NUP210: variants seen among roughly 807,000 people sequenced by gnomAD.
The protein encoded by NUP210 is nucleoporin 210, also known as nuclear pore membrane glycoprotein 210.
Under a neutral mutation model 196.0 loss-of-function variants are expected in NUP210, and 151 were observed. The ratio of observed to expected loss-of-function variants is 0.77; its 90% confidence interval spans 0.67 to 0.88. NUP210 has a LOEUF of 0.88. Ranked by LOEUF, NUP210 falls within the 40% of genes least tolerant of loss-of-function variation. NUP210 has a pLI of 0.00. For missense variants in NUP210, 2,314 were observed against 2,493.7 expected (o/e 0.93, Z 1.53); for synonymous variants, 1,070 against 1,052.7 (o/e 1.02, Z -0.32).
intron 25 of NUP210, among the ~76,000 whole-genome samples, chr3:13,338,967 G>C (rs1477812352): frequency 6.6e-6 from 1 of 152,094 alleles, no homozygotes; most frequent in Non-Finnish European, 1.5e-5. Flanking sequence ...AAATCAGCCA[G>C]CTCCTGAGGC....
At chr3:13,355,257 C>G (rs1193626693) in intron 16 of NUP210, among the ~76,000 whole-genome samples, 1 of 152,208 alleles carries the variant, frequency 6.6e-6, no homozygotes, top group Non-Finnish European at 1.5e-5. Flanking sequence ...GCAGGAAGAA[C>G]TACCCTTCTC....
chr3:13,376,286 C>T lies in NUP210; in HGVS notation c.1293+5G>A. On this transcript the variant is annotated splice_donor_5th_base_variant and intron_variant, in intron 10 of 39. Coordinates refer to ENST00000254508, the MANE Select transcript of NUP210 (RefSeq NM_024923.4). The stretch of plus-strand genomic sequence containing the variant: ...AGGCACGACGCAGGGGAGACACCAA[C>T]TTGCCTGGTCCACCACAGAGGTGAG... 1 of 1,613,256 alleles carries T rather than the reference C, an allele frequency of 6.2e-7. No individual in the cohort carries two copies. The highest frequency in any genetic ancestry group is 1.1e-5 in the South Asian group (1 of 91,032).
In NUP210 at chr3:13,379,272, C is replaced by G. The variant is rs1158080592; in HGVS notation, c.976+291G>C. 6.6e-6 allele frequency among the ~76,000 whole-genome samples: 1 copy of G among 152,132 alleles called. No homozygotes were observed. The highest frequency in any genetic ancestry group is 1.9e-4 in the East Asian group (1 of 5,186). On this transcript the variant is annotated intron_variant, in intron 7 of 39. Coordinates refer to ENST00000254508, the MANE Select transcript of NUP210 (RefSeq NM_024923.4). This position sits in a 1 kb window ranked among gnomAD's most constrained non-coding sequence, Gnocchi z 4.2. ...CTCCATTATGCTAGTATGGAAACAGCCCCCGCCAGGCCCCCTCTGAGAAGG... is the reference window on the plus strand; with the variant it reads ...CTCCATTATGCTAGTATGGAAACAGGCCCCGCCAGGCCCCCTCTGAGAAGG...
At chr3:13,400,343 G>A (rs543376656) in intron 1 of NUP210, among the ~76,000 whole-genome samples, 1 of 152,222 alleles carries the variant, frequency 6.6e-6, no homozygotes, top group Admixed American at 6.5e-5. Flanking sequence ...CTAACCCTGG[G>A]GATCACTACC....
intron 1 of NUP210, among the ~76,000 whole-genome samples, chr3:13,409,699 C>T (rs1700102586): frequency 6.6e-6 from 1 of 152,084 alleles, no homozygotes; most frequent in Admixed American, 6.5e-5. Context: ...CTCTCCTGCT[C>T]CCTTGTGCTA....
At chr3:13,411,554 CT>C (rs1220020071) in intron 1 of NUP210, among the ~76,000 whole-genome samples, 3 of 152,042 alleles carry the variant, frequency 2.0e-5, no homozygotes, top group Non-Finnish European at 4.4e-5. Flanking sequence ...TCCATCCCCC[CT>C]GTCACCACCC....
At chr3:13,338,243 G>T (rs1040861091) in intron 25 of NUP210, among the ~76,000 whole-genome samples, 3 of 152,216 alleles carry the variant, frequency 2.0e-5, no homozygotes, top group African/African-American at 7.2e-5. Context: ...AGGCCTGGCT[G>T]CCCTCAAGCA....
chr3:13,331,029 G>A (rs77896871), intron 29 of NUP210, among the ~76,000 whole-genome samples: 2,581 of 152,240 alleles, frequency 0.017, 34 homozygotes, highest in Non-Finnish European at 0.025. Context: ...GCATAGTGGA[G>A]GATGGGGCTT....
intron 16 of NUP210, chr3:13,354,411 C>T (rs553496951): frequency 6.9e-5 from 27 of 392,638 alleles, no homozygotes; most frequent in African/African-American, 2.9e-4. Context: ...TTGCCACTGG[C>T]ATCTACTCGG....
In NUP210 at chr3:13,317,485, T is replaced by G. The variant is rs1476027866; in HGVS notation, c.*196A>C. On this transcript the variant is annotated 3_prime_UTR_variant, in exon 40 of 40. Coordinates refer to ENST00000254508, the MANE Select transcript of NUP210 (RefSeq NM_024923.4). ...ACTTGAAAGGAAAAAAACACACATT[T>G]AAAACTCCTACATAAAATGAGCTAA... 1 of 581,604 alleles carries G rather than the reference T, an allele frequency of 1.7e-6. No individual in the cohort carries two copies. Among genetic ancestry groups the G allele is most frequent in the African/African-American group, 1.9e-5 (1 of 53,170 alleles). The allele number at this position is 581,604 out of a possible 1,614,324, so 36.0% of individuals were successfully genotyped here. A position where few individuals can be genotyped will look rare whatever the true frequency, so the allele number is the denominator to read the frequency against.
intron 5 of NUP210, among the ~76,000 whole-genome samples, chr3:13,387,080 C>T (rs915959861): frequency 1.2e-4 from 18 of 152,228 alleles, no homozygotes; most frequent in African/African-American, 3.1e-4. Context: ...TCCACAGAAA[C>T]ACAAAAACAT....
intron 15 of NUP210, among the ~76,000 whole-genome samples, chr3:13,358,793 G>T (rs139047573): frequency 2.6e-5 from 4 of 152,366 alleles, no homozygotes; most frequent in Non-Finnish European, 5.9e-5. Flanking sequence ...GACGTGGGAA[G>T]TGCATGCTGC....
chr3:13,353,834 A>G, intron 17 of NUP210, 81 bp downstream of exon 17: 1 of 1,397,660 alleles, frequency 7.2e-7, no homozygotes, highest in South Asian at 1.3e-5. Context: ...CTAAGCTCCC[A>G]CAGGCACTGG....
intron 28 of NUP210, 39 bp downstream of exon 28, chr3:13,335,408 GCACTTCC>G: frequency 6.3e-7 from 1 of 1,584,478 alleles, no homozygotes; most frequent in Non-Finnish European, 8.6e-7. Context: ...TGGGCAGCTG[GCACTTCC>G]TCTCCCCCTT....
At position 13,316,486 on chromosome 3, in the gene NUP210, A is replaced by G. The variant is rs354476; in HGVS notation, c.*1195T>C. 0.52 allele frequency: 79,174 copies of G among 152,192 alleles called. 20,743 individuals are homozygous for G. Among genetic ancestry groups the G allele is most frequent in the East Asian group, 0.69 (3,564 of 5,170 alleles). The allele number at this position is 152,192 out of a possible 1,614,324, so 9.4% of individuals were successfully genotyped here. On this transcript the variant is annotated 3_prime_UTR_variant, in exon 40 of 40. Coordinates refer to ENST00000254508, the MANE Select transcript of NUP210 (RefSeq NM_024923.4). ...TGAGTCTCTGGATCTCCCTGAGGGT[A>G]GCCCAGCCTCGGCCTGGAGCACAGG...
rs755952666 is a variant in NUP210, at chr3:13,372,009, G to A, written c.1611C>T (p.Ser537=). ...EMKVYVIEPH[S]MEFAPCQVEA... is the part of the protein sequence containing the mutation. The stretch of plus-strand genomic sequence containing the variant: ...CCACCTGGCACGGGGCAAACTCCAT[G>A]CTGTGGGGCTCGATCACATACACCT... Residue 537 remains serine (S), a synonymous_variant, in exon 13 of 40, where the codon AGC becomes AGT. Transcript: ENST00000254508. The A allele has an allele frequency of 4.4e-6, 7 of 1,586,880 alleles. No individual in the cohort carries two copies. The South Asian group carries it at 8.0e-5, about 18-fold the overall frequency.
chr3:13,391,074 G>A, intron 4 of NUP210, 137 bp downstream of exon 4: 2 of 650,126 alleles, frequency 3.1e-6, no homozygotes, highest in South Asian at 3.5e-5. Flanking sequence ...CAGACACTCG[G>A]AATGTTACGG....
intron 1 of NUP210, among the ~76,000 whole-genome samples, chr3:13,415,113 A>G (rs529972683): frequency 6.6e-6 from 1 of 152,350 alleles, no homozygotes; most frequent in East Asian, 1.9e-4. Context: ...CTGTAGTCCC[A>G]GCTACTTGAG....
chr3:13,377,083 C>T lies in NUP210; in HGVS notation c.1152+373G>A, dbSNP rs569823589. Among the ~76,000 whole-genome samples, 11 of 152,330 alleles carry T rather than the reference C, an allele frequency of 7.2e-5. No homozygotes were observed. In the South Asian group the frequency reaches 1.0e-3, roughly 14 times the overall value. ...GTACGGAGAAAGCCAGGACGTGCTC[C>T]GTGACTCTCTGCAGGGCAGGAGGAG... On this transcript the variant is annotated intron_variant, in intron 9 of 39. Coordinates refer to ENST00000254508, the MANE Select transcript of NUP210 (RefSeq NM_024923.4).
Sources: allele counts gnomAD v4.1 joint callset (sites outside exome capture counted in the v4.1 genomes callset), GRCh38; gene constraint gnomAD v4.1.1; non-coding constraint Gnocchi (gnomAD v3.1); transcripts MANE v1.5; gene names NCBI Gene and HGNC (gene_info 2026-07-23, HGNC 2026-07-21).